Variants in FAF1 observed in about 807,000 individuals in gnomAD.
FAF1 encodes FAS-associated factor 1.
A neutral mutation model predicts 92.5 loss-of-function variants in FAF1; 25 were observed. The ratio of observed to expected loss-of-function variants is 0.27; its 90% CI spans 0.20 to 0.38. The LOEUF (loss-of-function observed/expected upper bound fraction) is 0.38. Among genes scored for constraint, FAF1 ranks in the 10% least tolerant of loss-of-function variants. The probability of loss-of-function intolerance (pLI) is 1.00; values close to 1 mark genes in which losing one functional copy is unlikely to be tolerated. For missense variants in FAF1, 636 were observed against 793.3 expected, an observed-to-expected ratio of 0.80 and a Z score of 2.38; for synonymous variants, 234 against 273.2, an observed-to-expected ratio of 0.86 and a Z score of 1.42.
At chr1:50,954,695 T>G (rs1201160407) in intron 1 of FAF1, among the ~76,000 whole-genome samples, 1 of 151,954 alleles carries the variant, frequency 6.6e-6, no homozygotes, top group Non-Finnish European at 1.5e-5. Context: ...CCAGCCACCA[T>G]GCCCGGCTAA....
chr1:50,951,190 C>T (rs1228972238), intron 1 of FAF1, among the ~76,000 whole-genome samples: 3 of 152,204 alleles, frequency 2.0e-5, no homozygotes, highest in African/African-American at 7.2e-5. Flanking sequence ...GCCAAGATCA[C>T]GCCACTGCAC....
chr1:50,885,565 A>G (rs1210216917), intron 1 of FAF1, among the ~76,000 whole-genome samples: 4 of 151,914 alleles, frequency 2.6e-5, no homozygotes, highest in East Asian at 3.9e-4. Flanking sequence ...TTTTCAGTCT[A>G]TATGTGTCTT....
chr1:50,736,284 A>ATTT (rs1381258439), intron 6 of FAF1, among the ~76,000 whole-genome samples: 4 of 152,248 alleles, frequency 2.6e-5, no homozygotes, highest in African/African-American at 7.2e-5. Flanking sequence ...GTTACAAATT[A>ATTT]CAAATAAGAT....
At chr1:50,604,061 T>C (rs538489285) in intron 8 of FAF1, among the ~76,000 whole-genome samples, 73 of 152,272 alleles carry the variant, frequency 4.8e-4, no homozygotes, top group African/African-American at 1.6e-3. Flanking sequence ...AACACTACCA[T>C]GTAAGCAACC....
At chr1:50,637,408 G>A (rs966841791) in intron 8 of FAF1, among the ~76,000 whole-genome samples, 70 of 151,174 alleles carry the variant, frequency 4.6e-4, no homozygotes, top group African/African-American at 1.5e-3. Flanking sequence ...AGCCAAGATC[G>A]CGCCATTGCA....
chr1:50,668,400 A>G (rs1655723984), intron 7 of FAF1, among the ~76,000 whole-genome samples: 1 of 152,234 alleles, frequency 6.6e-6, no homozygotes. Flanking sequence ...AGGTTATCTG[A>G]GTCTAACTTG....
intron 6 of FAF1, among the ~76,000 whole-genome samples, chr1:50,724,382 C>T (rs980515683): frequency 4.0e-5 from 6 of 151,566 alleles, no homozygotes; most frequent in African/African-American, 1.2e-4. Flanking sequence ...GCTAGGAGCA[C>T]AGGTAGATAC....
intron 1 of FAF1, among the ~76,000 whole-genome samples, chr1:50,934,809 AT>A (rs537031346): frequency 5.3e-5 from 8 of 152,050 alleles, no homozygotes; most frequent in South Asian, 4.2e-4. Flanking sequence ...ATTCTAGTTG[AT>A]TTTTTTTCTT....
intron 6 of FAF1, among the ~76,000 whole-genome samples, chr1:50,734,908 T>A (rs1355849152): frequency 3.3e-5 from 5 of 151,960 alleles, no homozygotes; most frequent in Non-Finnish European, 7.4e-5. Flanking sequence ...GAGTTGAGGG[T>A]AGATATCAGG....
rs1354367692 is a variant in FAF1 at position 50,759,027 on chromosome 1, A to G, written c.368-14252T>C. On this transcript the variant is annotated intron_variant, in intron 4 of 18. Coordinates refer to ENST00000396153, the MANE Select transcript of FAF1 (RefSeq NM_007051.3). ...CCAGCTAATTTTTTGTGATTTTAGT[A>G]GAGACGGGGTTTCACTGTGTTAGCC... 2.0e-5 allele frequency among the ~76,000 whole-genome samples: 3 copies of G among 152,018 alleles called. No homozygotes were observed. The East Asian group carries it at 5.8e-4, about 29-fold the overall frequency.
Position 50,793,547 on chromosome 1 carries a change from T to G in FAF1, c.162-5342A>C, listed in dbSNP as rs77209555. Among the ~76,000 whole-genome samples, 79 of 152,326 alleles carry G rather than the reference T, an allele frequency of 5.2e-4. 3 individuals carry two copies. In the East Asian group the frequency reaches 0.015, roughly 28 times the overall value. On this transcript the variant is annotated intron_variant, in intron 3 of 18. Transcript: ENST00000396153. Reference sequence around the variant, plus strand: ...AAACACACTCGGTAACTGGTAGATATTCCATATTGCTTTCCTGATCCATGG... The same window carrying G: ...AAACACACTCGGTAACTGGTAGATAGTCCATATTGCTTTCCTGATCCATGG...
intron 6 of FAF1, among the ~76,000 whole-genome samples, chr1:50,726,178 C>T (rs1557495691): frequency 6.6e-6 from 1 of 151,872 alleles, no homozygotes; most frequent in African/African-American, 2.4e-5. Context: ...ATCACTTGAA[C>T]TCAGGAGGCG....
chr1:50,570,506 T>C (rs1290049507), intron 12 of FAF1, among the ~76,000 whole-genome samples: 1 of 151,868 alleles, frequency 6.6e-6, no homozygotes, highest in Non-Finnish European at 1.5e-5. Context: ...CTGTTAAACA[T>C]GAGATGCCAG....
chr1:50,718,101 C>T (rs962537564), intron 6 of FAF1, among the ~76,000 whole-genome samples: 1 of 151,914 alleles, frequency 6.6e-6, no homozygotes, highest in Non-Finnish European at 1.5e-5. Context: ...CTCACTGCAA[C>T]CTCCGCCTCC....
chr1:50,790,769 T>C (rs1661535384), intron 3 of FAF1, among the ~76,000 whole-genome samples: 2 of 151,992 alleles, frequency 1.3e-5, no homozygotes, highest in South Asian at 4.1e-4. Context: ...GTTCATACAA[T>C]TAAGCAGAAA....
chr1:50,514,969 T>C (rs1572799316), intron 15 of FAF1, among the ~76,000 whole-genome samples: 1 of 152,326 alleles, frequency 6.6e-6, no homozygotes, highest in South Asian at 2.1e-4. Context: ...TCACAGATTA[T>C]GGCATTAACC....
At chr1:50,549,114 C>G (rs1181894665) in intron 13 of FAF1, among the ~76,000 whole-genome samples, 1 of 152,168 alleles carries the variant, frequency 6.6e-6, no homozygotes, top group Non-Finnish European at 1.5e-5. Flanking sequence ...GGAAGTTATT[C>G]TTTACACCAT....
chr1:50,942,835 T>C (rs902510905), intron 1 of FAF1, among the ~76,000 whole-genome samples: 1 of 150,242 alleles, frequency 6.7e-6, no homozygotes, highest in African/African-American at 2.4e-5. Flanking sequence ...GGGCCATACA[T>C]CATGGATTGC....
At chr1:50,823,032 C>A (rs993409289) in intron 2 of FAF1, among the ~76,000 whole-genome samples, 18 of 152,104 alleles carry the variant, frequency 1.2e-4, no homozygotes, top group Middle Eastern at 3.2e-3. Context: ...CCTCGGCCTC[C>A]CAAAGTGTTG....
Sources: gnomAD v4.1 joint callset for allele counts (sites outside exome capture counted in the v4.1 genomes callset) on GRCh38, gnomAD v4.1.1 for gene constraint, MANE v1.5 for transcripts, NCBI Gene and HGNC (gene_info 2026-07-23, HGNC 2026-07-21) for gene names.